Variants in ZNF518A observed in about 807,000 individuals in gnomAD.
ZNF518A encodes the protein zinc finger protein 518.
Under a neutral mutation model 102.7 loss-of-function variants are expected in ZNF518A, and 47 were observed. The ratio of observed to expected loss-of-function variants is 0.46; its 90% CI spans 0.36 to 0.58. ZNF518A has a LOEUF of 0.58. Ranked by LOEUF, ZNF518A falls within the 20% of genes least tolerant of loss-of-function variation. The probability of loss-of-function intolerance (pLI) is 0.00; values close to 1 mark genes in which losing one functional copy is unlikely to be tolerated. For synonymous variants in ZNF518A, 652 were observed against 594.6 expected (o/e 1.10, Z -1.40); for missense variants, 1,793 against 1,699.8 (o/e 1.05, Z -0.96).
chr10:96,203,544 G>A (rs1456005267), intron 1 of ZNF518A: 1 of 152,336 alleles, frequency 6.6e-6, no homozygotes, highest in Non-Finnish European at 1.5e-5. Context: ...CGTTCTGTGA[G>A]CCTGACTTAT....
chr10:96,140,767 A>G (rs2081878322), intron 3 of ZNF518A, among the ~76,000 whole-genome samples: 1 of 123,588 alleles, frequency 8.1e-6, no homozygotes, highest in South Asian at 2.6e-4. Context: ...CCCATCTCTT[A>G]AAAAAAAAAA....
chr10:96,130,096 G>GC (rs1233635862), upstream of ZNF518A: 9 of 152,712 alleles, frequency 5.9e-5, no homozygotes, highest in African/African-American at 2.2e-4. Flanking sequence ...TCAGGGACTC[G>GC]CAGGCAATGG....
chr10:96,192,098 G>T, intron 1 of ZNF518A: 1 of 1,613,406 alleles, frequency 6.2e-7, no homozygotes, highest in Non-Finnish European at 8.5e-7. Flanking sequence ...AAGTACTAGA[G>T]GAAGAAAACA....
downstream of ZNF518A, among the ~76,000 whole-genome samples, chr10:96,165,477 A>C (rs868949333): frequency 0.08 from 11,200 of 140,802 alleles, 881 homozygotes; most frequent in African/African-American, 0.2. Context: ...AACCAAAAAA[A>C]AAAAAAAAAA....
downstream of ZNF518A, among the ~76,000 whole-genome samples, chr10:96,164,176 G>A (rs774315494): frequency 1.3e-5 from 2 of 152,232 alleles, no homozygotes; most frequent in Non-Finnish European, 2.9e-5. Flanking sequence ...CTTGGGGTGG[G>A]AGAAAATGGA....
chr10:96,182,029 G>A (rs587701029), intron 1 of ZNF518A, among the ~76,000 whole-genome samples: 1 of 152,238 alleles, frequency 6.6e-6, no homozygotes, highest in East Asian at 1.9e-4. Context: ...GTGGTTTGTA[G>A]TTCTCCTTGA....
upstream of ZNF518A, chr10:96,129,986 G>C (rs587609671): frequency 1.3e-5 from 2 of 152,834 alleles, no homozygotes; most frequent in East Asian, 1.9e-4. Context: ...TCTTCCGCTT[G>C]TCTCAGGTAA....
chr10:96,167,416 T>C (rs2083148219), downstream of ZNF518A, among the ~76,000 whole-genome samples: 1 of 152,196 alleles, frequency 6.6e-6, no homozygotes, highest in Admixed American at 6.5e-5. Flanking sequence ...ATTGCGCCAT[T>C]GCTGTCCAGC....
rs868936834 is a variant in ZNF518A, at chr10:96,161,029, C to T, written c.*255C>T. 9 of 360,456 alleles carry T rather than the reference C, an allele frequency of 2.5e-5. No homozygotes were observed. Among genetic ancestry groups the T allele is most frequent in the Admixed American group, 9.4e-5 (2 of 21,312 alleles). 22.3% of individuals were successfully genotyped at this position (360,456 alleles called of 1,614,324 possible). A position where few individuals can be genotyped will look rare whatever the true frequency, so the allele number is the denominator to read the frequency against. The stretch of plus-strand genomic sequence containing the variant: ...TGATTTAATTTTTTAAACGTGTTCT[C>T]GGGAAGTTAGGGCTAAAGAAAATTT... On this transcript the variant is annotated 3_prime_UTR_variant, in exon 6 of 6. Transcript: ENST00000316045.
At chr10:96,179,091 A>G (rs2133890518) in intron 1 of ZNF518A, among the ~76,000 whole-genome samples, 1 of 152,256 alleles carries the variant, frequency 6.6e-6, no homozygotes, top group African/African-American at 2.4e-5. Flanking sequence ...TGATGAAGAC[A>G]TTGTAAGTAA....
chr10:96,136,950 G>T (rs1416763151), intron 3 of ZNF518A, among the ~76,000 whole-genome samples: 1 of 152,152 alleles, frequency 6.6e-6, no homozygotes, highest in Admixed American at 6.5e-5. Flanking sequence ...ATGGTTTCTG[G>T]TGCAACTATT....
At chr10:96,182,204 G>T (rs587626708) in intron 1 of ZNF518A, among the ~76,000 whole-genome samples, 133 of 152,272 alleles carry the variant, frequency 8.7e-4, no homozygotes, top group Non-Finnish European at 4.0e-4. Context: ...TGCTGAAGTT[G>T]CTTCTCAGCT....
At chr10:96,145,823 T>C (rs2082146706) in intron 3 of ZNF518A, among the ~76,000 whole-genome samples, 1 of 152,256 alleles carries the variant, frequency 6.6e-6, no homozygotes, top group South Asian at 2.1e-4. Flanking sequence ...TCATAAAGTT[T>C]CATAAAATTG....
intron 1 of ZNF518A, among the ~76,000 whole-genome samples, chr10:96,181,770 G>A (rs111460237): frequency 9.9e-5 from 15 of 152,124 alleles, no homozygotes; most frequent in East Asian, 5.8e-4. Flanking sequence ...GTCAGGTAGC[G>A]TGATGCCTCC....
chr10:96,186,570 G>A (rs1554892589), intron 1 of ZNF518A, among the ~76,000 whole-genome samples: 1 of 152,082 alleles, frequency 6.6e-6, no homozygotes, highest in African/African-American at 2.4e-5. Flanking sequence ...GCTAATTTTT[G>A]TATTTGTAGT....
chr10:96,136,838 T>A (rs1317439998), intron 3 of ZNF518A, among the ~76,000 whole-genome samples: 1 of 152,212 alleles, frequency 6.6e-6, no homozygotes, highest in East Asian at 1.9e-4. Flanking sequence ...GCCTCGCATC[T>A]GACCCTCAGA....
At chr10:96,201,035 T>C (rs368853735) in intron 1 of ZNF518A, 6 of 1,614,040 alleles carry the variant, frequency 3.7e-6, no homozygotes, top group Admixed American at 1.7e-5. Context: ...CCATCCACAG[T>C]TGGGTTTCCC....
In ZNF518A at chr10:96,160,496, T is replaced by G. The variant is rs782625663; in HGVS notation, c.4174T>G (p.Cys1392Gly). The change falls in exon 6 of 6, where the codon TGT becomes GGT. Residue 1392 changes from cysteine (C) to glycine (G), a missense_variant. Cys to Gly is a radical substitution (Grantham distance 159). Transcript: ENST00000316045. ...TATAAATGCTTTACTGAAACCAGTT[T>G]GTTATAACCCTCCTAAAACAACTTA... is the stretch of plus-strand genomic sequence containing the variant. ...RTINALLKPV[C>G]YNPPKTTYDD... The G allele has an allele frequency of 6.2e-7, 1 of 1,613,288 alleles. No homozygotes were observed. Among genetic ancestry groups the G allele is most frequent in the Non-Finnish European group, 8.5e-7 (1 of 1,179,568 alleles).
intron 1 of ZNF518A, among the ~76,000 whole-genome samples, chr10:96,179,344 A>C (rs2083224799): frequency 6.6e-6 from 1 of 152,200 alleles, no homozygotes; most frequent in Non-Finnish European, 1.5e-5. Context: ...AGATTCCTCA[A>C]AAAAGAGGAT....
Sources: allele counts gnomAD v4.1 joint callset (sites outside exome capture counted in the v4.1 genomes callset), GRCh38; gene constraint gnomAD v4.1.1; transcripts MANE v1.5; gene names NCBI Gene and HGNC (gene_info 2026-07-23, HGNC 2026-07-21).